The following SLC9A9 variants were observed in gnomAD, a reference collection of about 807,000 sequenced individuals.
SLC9A9 encodes sodium/hydrogen exchanger 9.
SLC9A9 carries 62 observed loss-of-function variants against 77.8 expected under a neutral mutation model. The observed-to-expected ratio is 0.80, with a 90% CI of 0.65 to 0.98. The LOEUF (loss-of-function observed/expected upper bound fraction) is 0.98, where lower values mean the gene tolerates loss of function less well. SLC9A9 is among the 50% of genes least tolerant of loss of function. The pLI, the probability that SLC9A9 is intolerant of heterozygous loss-of-function variation, is 0.00. For synonymous variants in SLC9A9, 320 were observed against 283.5 expected, an observed-to-expected ratio of 1.13 and a Z score of -1.29; for missense variants, 775 against 774.9, an observed-to-expected ratio of 1.00 and a Z score of 0.00.
intron 12 of SLC9A9, among the ~76,000 whole-genome samples, chr3:143,413,366 T>TG (rs35686848): frequency 1.3e-5 from 2 of 152,140 alleles, no homozygotes; most frequent in Non-Finnish European, 2.9e-5. Context: ...GGTACAGTCC[T>TG]GGGGGATGTT....
At chr3:143,308,960 G>C (rs1342499768) in intron 14 of SLC9A9, among the ~76,000 whole-genome samples, 1 of 152,106 alleles carries the variant, frequency 6.6e-6, no homozygotes, top group African/African-American at 2.4e-5. Context: ...ATAAAACATG[G>C]AGATTGCAGG....
rs142248033 is a variant in SLC9A9, at chr3:143,503,198, G to A, written c.1090-7750C>T. ...GGGGAGATTCTCAGTGTGGTTGGGG[G>A]GTACTAAGTGGGGCAGGGACTGCAC... On this transcript the variant is annotated intron_variant, in intron 9 of 15. Coordinates refer to ENST00000316549, the MANE Select transcript of SLC9A9 (RefSeq NM_173653.4). 6.7e-3 allele frequency: 1,248 copies of A among 186,272 alleles called. 11 individuals are homozygous for A. The highest frequency in any genetic ancestry group is 0.028 in the African/African-American group (1,154 of 41,866). The allele number at this position is 186,272 out of a possible 1,614,324, so 11.5% of individuals were successfully genotyped here. A position where few individuals can be genotyped will look rare whatever the true frequency, so the allele number is the denominator to read the frequency against.
intron 2 of SLC9A9, among the ~76,000 whole-genome samples, chr3:143,808,975 C>T (rs780481517): frequency 2.6e-5 from 4 of 152,114 alleles, no homozygotes; most frequent in Non-Finnish European, 4.4e-5. Flanking sequence ...CACAACTGTG[C>T]AAAATTTGAG....
intron 9 of SLC9A9, among the ~76,000 whole-genome samples, chr3:143,509,211 A>G (rs1034477886): frequency 5.3e-5 from 8 of 152,286 alleles, no homozygotes; most frequent in Non-Finnish European, 1.2e-4. Context: ...AAAATGAAAG[A>G]CAAAAATATA....
chr3:143,813,043 A>C (rs1164685179), intron 2 of SLC9A9, among the ~76,000 whole-genome samples: 1 of 152,092 alleles, frequency 6.6e-6, no homozygotes. Context: ...GGTGGCAGGA[A>C]GAAGGGCATT....
chr3:143,462,186 A>G (rs1383421460), intron 12 of SLC9A9, among the ~76,000 whole-genome samples: 2 of 152,122 alleles, frequency 1.3e-5, no homozygotes, highest in African/African-American at 4.8e-5. Context: ...GGGCAATGTA[A>G]TGAGACCTCA....
chr3:143,707,369 TACACAC>T (rs67386185), intron 4 of SLC9A9, among the ~76,000 whole-genome samples: 2,977 of 149,204 alleles, frequency 0.02, 103 homozygotes, highest in African/African-American at 0.068. Flanking sequence ...TTTTAAAATC[TACACAC>T]ACACACACAC....
chr3:143,816,672 AAT>A (rs530911850), intron 2 of SLC9A9, among the ~76,000 whole-genome samples: 62 of 152,292 alleles, frequency 4.1e-4, no homozygotes, highest in African/African-American at 1.5e-3. Flanking sequence ...AGAAGTGAAA[AAT>A]ACCTAGAAGT....
In SLC9A9 at chr3:143,396,721, C is replaced by G. The variant is rs528893428; in HGVS notation, c.1470-14607G>C. ...ATTGTTGTCTTTGCTACTCAGGCCT[C>G]CTGAATAAAAGATTTAACTGTGAAG... On this transcript the variant is annotated intron_variant, in intron 12 of 15. Transcript: ENST00000316549. Among the ~76,000 whole-genome samples, 8 of 152,222 alleles carry G rather than the reference C, an allele frequency of 5.3e-5. No individual in the cohort carries two copies. In the East Asian group the frequency reaches 1.5e-3, roughly 29 times the overall value.
intron 12 of SLC9A9, among the ~76,000 whole-genome samples, chr3:143,409,590 T>A (rs962754240): frequency 4.6e-5 from 7 of 152,244 alleles, no homozygotes; most frequent in African/African-American, 1.7e-4. Flanking sequence ...CCTGAAGCTA[T>A]CCTTCTGCAT....
chr3:143,782,155 A>T (rs2007901739), intron 4 of SLC9A9, among the ~76,000 whole-genome samples: 1 of 152,244 alleles, frequency 6.6e-6, no homozygotes, highest in South Asian at 2.1e-4. Flanking sequence ...GATATGAATT[A>T]TACAATTAAT....
chr3:143,409,327 C>T (rs986611795), intron 12 of SLC9A9, among the ~76,000 whole-genome samples: 4 of 152,172 alleles, frequency 2.6e-5, no homozygotes, highest in Admixed American at 6.5e-5. Context: ...AATGCACAGA[C>T]ATTTTCAGGC....
intron 4 of SLC9A9, among the ~76,000 whole-genome samples, chr3:143,702,784 A>G (rs1261033409): frequency 6.6e-6 from 1 of 152,084 alleles, no homozygotes; most frequent in East Asian, 1.9e-4. Context: ...ATGGATGAAA[A>G]AAACAAAAAA....
chr3:143,817,144 T>A (rs76425760), intron 2 of SLC9A9, among the ~76,000 whole-genome samples: 4,973 of 98,972 alleles, frequency 0.05, 254 homozygotes, highest in African/African-American at 0.15. Context: ...TTTTTTTTTT[T>A]ATTTTTTTTT....
chr3:143,351,943 A>G (rs987456940), intron 14 of SLC9A9, among the ~76,000 whole-genome samples: 16 of 152,068 alleles, frequency 1.1e-4, no homozygotes, highest in Non-Finnish European at 1.9e-4. Flanking sequence ...AAAGGGGGAA[A>G]AAAAGGAAAA....
chr3:143,473,114 C>T (rs1176807688), intron 11 of SLC9A9, among the ~76,000 whole-genome samples: 1 of 152,090 alleles, frequency 6.6e-6, no homozygotes, highest in East Asian at 1.9e-4. Flanking sequence ...CAGCAGAGGA[C>T]GAGGTATATG....
intron 11 of SLC9A9, among the ~76,000 whole-genome samples, chr3:143,486,510 C>T (rs1035632474): frequency 6.6e-6 from 1 of 151,950 alleles, no homozygotes; most frequent in African/African-American, 2.4e-5. Context: ...AATATTATAA[C>T]TTTGGTTTAT....
chr3:143,628,087 A>G (rs1343223798), intron 6 of SLC9A9, among the ~76,000 whole-genome samples: 1 of 152,162 alleles, frequency 6.6e-6, no homozygotes, highest in Non-Finnish European at 1.5e-5. Flanking sequence ...CGGCTTTCTC[A>G]CTGTAACTGC....
At chr3:143,542,103 G>A (rs1185828325) in intron 9 of SLC9A9, among the ~76,000 whole-genome samples, 1 of 152,186 alleles carries the variant, frequency 6.6e-6, no homozygotes, top group Non-Finnish European at 1.5e-5. Flanking sequence ...AGTACAAGGT[G>A]TTCTTGCCAT....
Sources: allele counts gnomAD v4.1 joint callset (sites outside exome capture counted in the v4.1 genomes callset), GRCh38; gene constraint gnomAD v4.1.1; transcripts MANE v1.5; gene names NCBI Gene and HGNC (gene_info 2026-07-23, HGNC 2026-07-21).